The following FARS2 variants were observed in gnomAD, a reference collection of about 807,000 sequenced individuals.
FARS2 encodes the protein phenylalanine--tRNA ligase, mitochondrial.
FARS2 carries 40 observed loss-of-function variants against 46.4 expected under a neutral mutation model. The observed-to-expected ratio is 0.86, with a 90% CI of 0.67 to 1.12. The LOEUF is 1.12. Among genes scored for constraint, FARS2 ranks in the 50% most tolerant of loss-of-function variants. The pLI, the probability that FARS2 is intolerant of heterozygous loss-of-function variation, is 0.00. For synonymous variants in FARS2, 234 were observed against 214.9 expected (o/e 1.09, Z -0.78); for missense variants, 513 against 567.9 (o/e 0.90, Z 0.98).
intron 6 of FARS2, among the ~76,000 whole-genome samples, chr6:5,627,175 G>C (rs1033872888): frequency 1.8e-4 from 28 of 152,292 alleles, no homozygotes; most frequent in African/African-American, 6.7e-4. Flanking sequence ...TGCATATGCA[G>C]TCTTTCTTTG....
intron 3 of FARS2, among the ~76,000 whole-genome samples, chr6:5,406,166 T>G (rs1257141959): frequency 6.6e-6 from 1 of 152,222 alleles, no homozygotes; most frequent in African/African-American, 2.4e-5. Flanking sequence ...CCTACTGTGG[T>G]TAGGATTCTC....
chr6:5,424,538 A>G (rs1027343540), intron 3 of FARS2, among the ~76,000 whole-genome samples: 3 of 152,230 alleles, frequency 2.0e-5, no homozygotes, highest in Admixed American at 1.3e-4. Flanking sequence ...GGTGCCGAAT[A>G]AAGTACACAC....
intron 6 of FARS2, among the ~76,000 whole-genome samples, chr6:5,722,645 A>T (rs6941373): frequency 0.52 from 78,823 of 152,012 alleles, 21,418 homozygotes; most frequent in Non-Finnish European, 0.61. Context: ...GGGAGAGAAA[A>T]GGTCAGTGAG....
At chr6:5,732,570 G>A (rs752043302) in intron 6 of FARS2, among the ~76,000 whole-genome samples, 50 of 152,188 alleles carry the variant, frequency 3.3e-4, no homozygotes, top group Non-Finnish European at 6.5e-4. Flanking sequence ...CATCAAGAGA[G>A]AATTAGAGAA....
chr6:5,431,327 T>TA (rs1204268196), intron 4 of FARS2, among the ~76,000 whole-genome samples, 155 bp downstream of exon 4: 1 of 152,214 alleles, frequency 6.6e-6, no homozygotes, highest in Non-Finnish European at 1.5e-5. Flanking sequence ...TTGTCTTTGA[T>TA]ACTAAGCCCT....
chr6:5,684,595 A>G (rs1757041413), intron 6 of FARS2, among the ~76,000 whole-genome samples: 1 of 152,300 alleles, frequency 6.6e-6, no homozygotes, highest in South Asian at 2.1e-4. Context: ...AAAAGCTGCA[A>G]CAAGGAGCTA....
chr6:5,698,655 C>T (rs1274893663), intron 6 of FARS2, among the ~76,000 whole-genome samples: 1 of 152,202 alleles, frequency 6.6e-6, no homozygotes, highest in Non-Finnish European at 1.5e-5. Context: ...AGTTCTCCAG[C>T]AGGCTCACCA....
intron 1 of FARS2, among the ~76,000 whole-genome samples, chr6:5,350,169 AT>A (rs57211565): frequency 0.27 from 35,953 of 131,438 alleles, 4,838 homozygotes; most frequent in Non-Finnish European, 0.32. Context: ...TGCCTGGCAA[AT>A]TTTTTTTTTT....
intron 6 of FARS2, among the ~76,000 whole-genome samples, chr6:5,736,366 C>G (rs1346681330): frequency 1.3e-5 from 2 of 152,166 alleles, no homozygotes; most frequent in Non-Finnish European, 2.9e-5. Context: ...TGGGAGGGGC[C>G]ACACAAGACA....
At chr6:5,710,302 T>A (rs1358857396) in intron 6 of FARS2, among the ~76,000 whole-genome samples, 2 of 152,252 alleles carry the variant, frequency 1.3e-5, no homozygotes, top group Admixed American at 6.5e-5. Flanking sequence ...GTGATGAGAC[T>A]ACTTAGCATC....
intron 1 of FARS2, among the ~76,000 whole-genome samples, chr6:5,279,556 ATGTG>A (rs753710952): frequency 1.4e-5 from 2 of 146,662 alleles, no homozygotes; most frequent in South Asian, 2.1e-4. Context: ...AAAAATATAA[ATGTG>A]TGTGTGTGTG....
chr6:5,253,639 G>A, the FARS2 span, among the ~76,000 whole-genome samples: 2 of 152,240 alleles, frequency 1.3e-5, no homozygotes, highest in African/African-American at 2.4e-5. Flanking sequence ...GGAGACGAGA[G>A]CCTTGAAGAT....
chr6:5,702,240 G>A (rs1758488648), intron 6 of FARS2, among the ~76,000 whole-genome samples: 1 of 152,176 alleles, frequency 6.6e-6, no homozygotes, highest in African/African-American at 2.4e-5. Context: ...ACACATTTTA[G>A]TATTTTTCTC....
intron 4 of FARS2, among the ~76,000 whole-genome samples, chr6:5,460,738 A>G (rs954254379): frequency 6.6e-6 from 1 of 152,186 alleles, no homozygotes; most frequent in East Asian, 1.9e-4. Flanking sequence ...AGCCCTCTAC[A>G]TGCCGACCAG....
At chr6:5,491,588 A>T (rs568224817) in intron 4 of FARS2, among the ~76,000 whole-genome samples, 1 of 152,348 alleles carries the variant, frequency 6.6e-6, no homozygotes, top group South Asian at 2.1e-4. Flanking sequence ...TTCCATAAAC[A>T]CAGTGCTTCC....
At chr6:5,272,453 C>A (rs999221939) in intron 1 of FARS2, 1 of 152,098 alleles carries the variant, frequency 6.6e-6, no homozygotes, top group East Asian at 1.9e-4. Flanking sequence ...GGAGGAAATG[C>A]AATCAGAGAA....
intron 5 of FARS2, among the ~76,000 whole-genome samples, chr6:5,579,061 C>G (rs1189845072): frequency 6.6e-6 from 1 of 152,142 alleles, no homozygotes; most frequent in Admixed American, 6.5e-5. Flanking sequence ...ATTGCCCTAA[C>G]TATTATAGCT....
At chr6:5,618,475 A>T (rs1775590874) in intron 6 of FARS2, among the ~76,000 whole-genome samples, 1 of 152,220 alleles carries the variant, frequency 6.6e-6, no homozygotes. Flanking sequence ...GTGAGACGTG[A>T]TAGGACTGAG....
intron 4 of FARS2, among the ~76,000 whole-genome samples, chr6:5,460,748 G>A (rs1157040727): frequency 1.3e-5 from 2 of 152,176 alleles, no homozygotes; most frequent in Admixed American, 1.3e-4. Flanking sequence ...ATGCCGACCA[G>A]GAGAACGAGC....
Sources: allele counts gnomAD v4.1 joint callset (sites outside exome capture counted in the v4.1 genomes callset), GRCh38; gene constraint gnomAD v4.1.1; transcripts MANE v1.5; gene names NCBI Gene and HGNC (gene_info 2026-07-23, HGNC 2026-07-21).